RBMS3: variants seen among roughly 807,000 people sequenced by gnomAD.
RBMS3 encodes the protein RNA-binding motif, single-stranded-interacting protein 3.
Under a neutral mutation model 66.8 loss-of-function variants are expected in RBMS3, and 27 were observed. That is an observed-to-expected ratio of 0.40 (90% confidence interval 0.30 to 0.56). The LOEUF is 0.56. Among genes scored for constraint, RBMS3 ranks in the 20% least tolerant of loss-of-function variants. The probability of loss-of-function intolerance (pLI) is 0.40; values close to 1 mark genes in which losing one functional copy is unlikely to be tolerated. For synonymous variants in RBMS3, 188 were observed against 183.0 expected (o/e 1.03, Z -0.22); for missense variants, 513 against 549.5 (o/e 0.93, Z 0.66).
At chr3:29,603,799 T>C (rs146377868) in intron 4 of RBMS3, among the ~76,000 whole-genome samples, 19 of 152,018 alleles carry the variant, frequency 1.2e-4, no homozygotes, top group Admixed American at 3.3e-4. Context: ...TACCTAGAGG[T>C]GTACATTCAA....
In RBMS3 at chr3:29,648,263, A is replaced by ATTTTTTT. The variant is rs749839563; in HGVS notation, c.399+61074_399+61080dup. 2.6e-3 allele frequency among the ~76,000 whole-genome samples: 201 copies of ATTTTTTT among 77,600 alleles called. 5 individuals are homozygous for ATTTTTTT. Among genetic ancestry groups the ATTTTTTT allele is most frequent in the East Asian group, 4.1e-3 (10 of 2,440 alleles). The allele number at this position is 77,600 out of a possible 152,430, so 50.9% of individuals were successfully genotyped here. A position where few individuals can be genotyped will look rare whatever the true frequency, so the allele number is the denominator to read the frequency against. On this transcript the variant is annotated intron_variant, in intron 4 of 14. Coordinates refer to ENST00000383767, the MANE Select transcript of RBMS3 (RefSeq NM_001003793.3). ...AACATAGGGAAAATAGAAAATGTCTATTTTTTTTTTTTTTTTTTTTTTGCG... is the reference window on the plus strand; with the variant it reads ...AACATAGGGAAAATAGAAAATGTCTATTTTTTTTTTTTTTTTTTTTTTTTTTTTTGCG...
At chr3:29,555,214 A>G (rs1467786091) in intron 3 of RBMS3, among the ~76,000 whole-genome samples, 1 of 152,200 alleles carries the variant, frequency 6.6e-6, no homozygotes, top group Non-Finnish European at 1.5e-5. Flanking sequence ...TACTTCAGTC[A>G]TTGACCTTAA....
intron 6 of RBMS3, among the ~76,000 whole-genome samples, chr3:29,817,152 T>C (rs1040350759): frequency 7.9e-5 from 12 of 151,352 alleles, no homozygotes; most frequent in African/African-American, 2.4e-4. Context: ...TGTTATTCTT[T>C]CTAAAAATTA....
intron 1 of RBMS3, among the ~76,000 whole-genome samples, chr3:29,348,571 TA>T (rs201850631): frequency 0.19 from 27,154 of 143,366 alleles, 2,515 homozygotes; most frequent in Admixed American, 0.25. Flanking sequence ...TTCTCTCTGT[TA>T]AAAAAAAAAA....
chr3:29,353,807 A>T (rs1431070995), intron 1 of RBMS3, among the ~76,000 whole-genome samples: 1 of 152,110 alleles, frequency 6.6e-6, no homozygotes, highest in South Asian at 2.1e-4. Flanking sequence ...AAAAAGAGAG[A>T]TCAACACTTG....
chr3:29,523,262 C>T (rs1478826854), intron 3 of RBMS3, among the ~76,000 whole-genome samples: 5 of 152,136 alleles, frequency 3.3e-5, no homozygotes, highest in South Asian at 2.1e-4. Context: ...GTAGTGGGCA[C>T]GACGTAGCAG....
At chr3:29,454,674 G>A (rs2042122280) in intron 2 of RBMS3, among the ~76,000 whole-genome samples, 2 of 152,168 alleles carry the variant, frequency 1.3e-5, no homozygotes, top group South Asian at 2.1e-4. Context: ...TAGAATGAGA[G>A]TATAGTTTCA....
rs118000681 is a variant in RBMS3 at position 29,418,130 on chromosome 3, C to T, written c.76-16613C>T. On this transcript the variant is annotated intron_variant, in intron 1 of 14. Coordinates refer to ENST00000383767, the MANE Select transcript of RBMS3 (RefSeq NM_001003793.3). ...CTAAAACTAGCACATCAGCTACAAA[C>T]ATAACTTTCACTTTCTTCCCATTCA... 6.9e-4 allele frequency among the ~76,000 whole-genome samples: 105 copies of T among 152,248 alleles called. 1 individual carries two copies. In the East Asian group the frequency reaches 0.02, roughly 29 times the overall value.
At chr3:29,911,570 G>A (rs1037785076) in intron 10 of RBMS3, among the ~76,000 whole-genome samples, 4 of 151,766 alleles carry the variant, frequency 2.6e-5, no homozygotes, top group Non-Finnish European at 4.4e-5. Flanking sequence ...ATATTACTTG[G>A]GTATCATAAA....
chr3:29,649,801 A>G (rs2050077736), intron 4 of RBMS3, among the ~76,000 whole-genome samples: 1 of 152,222 alleles, frequency 6.6e-6, no homozygotes, highest in Non-Finnish European at 1.5e-5. Flanking sequence ...TTCTCCAAAG[A>G]TAAAATTTTA....
chr3:30,009,299 C>T lies in RBMS3; in HGVS notation c.*5437C>T, dbSNP rs761236351. The T allele has an allele frequency of 1.3e-5, 2 of 151,956 alleles. No homozygotes were observed. Among genetic ancestry groups the T allele is most frequent in the Non-Finnish European group, 2.9e-5 (2 of 67,948 alleles). The allele number at this position is 151,956 out of a possible 1,614,324, so 9.4% of individuals were successfully genotyped here. The stretch of plus-strand genomic sequence containing the variant: ...CTTGGGCTCTGTTTCCTTTTATTAG[C>T]ATGTCACCTGAGGGTGGAACAAACA... On this transcript the variant is annotated 3_prime_UTR_variant, in exon 15 of 15. Transcript: ENST00000383767.
chr3:29,671,338 A>T (rs1348022276), intron 4 of RBMS3, among the ~76,000 whole-genome samples: 1 of 152,234 alleles, frequency 6.6e-6, no homozygotes. Flanking sequence ...CCAGAGCAGA[A>T]AATCTGAAAA....
chr3:29,397,229 G>C (rs1001819298), intron 1 of RBMS3, among the ~76,000 whole-genome samples: 5 of 152,132 alleles, frequency 3.3e-5, no homozygotes, highest in African/African-American at 1.2e-4. Context: ...TGTGTTATAT[G>C]TAAAGTACCT....
intron 1 of RBMS3, among the ~76,000 whole-genome samples, chr3:29,384,741 G>A: frequency 6.6e-6 from 1 of 152,156 alleles, no homozygotes; most frequent in South Asian, 2.1e-4. Flanking sequence ...GAGTGGTAAA[G>A]CCAATAAGTG....
chr3:29,918,689 A>G (rs1440563770), intron 10 of RBMS3, among the ~76,000 whole-genome samples: 1 of 152,178 alleles, frequency 6.6e-6, no homozygotes, highest in Admixed American at 6.5e-5. Flanking sequence ...TTAGATAACT[A>G]TGAGAAAATT....
At chr3:29,657,460 G>A (rs1329883792) in intron 4 of RBMS3, among the ~76,000 whole-genome samples, 1 of 152,162 alleles carries the variant, frequency 6.6e-6, no homozygotes, top group African/African-American at 2.4e-5. Flanking sequence ...AGCATTGAAA[G>A]TGTTCAACTT....
intron 4 of RBMS3, among the ~76,000 whole-genome samples, chr3:29,640,467 A>C (rs1483404223): frequency 1.4e-5 from 2 of 148,052 alleles, no homozygotes; most frequent in Non-Finnish European, 3.0e-5. Flanking sequence ...GAAGTTTGAT[A>C]ATTTAAAATT....
At chr3:29,548,149 G>A (rs2149026912) in intron 3 of RBMS3, among the ~76,000 whole-genome samples, 1 of 152,134 alleles carries the variant, frequency 6.6e-6, no homozygotes, top group South Asian at 2.1e-4. Context: ...GTTAATGAAG[G>A]TGACCAGGCA....
At chr3:29,746,019 A>G (rs2054877676) in intron 5 of RBMS3, among the ~76,000 whole-genome samples, 1 of 152,010 alleles carries the variant, frequency 6.6e-6, no homozygotes, top group Non-Finnish European at 1.5e-5. Context: ...TTAAAATGTT[A>G]TTTATTTACC....
Sources: gnomAD v4.1 joint callset for allele counts (sites outside exome capture counted in the v4.1 genomes callset) on GRCh38, gnomAD v4.1.1 for gene constraint, MANE v1.5 for transcripts, NCBI Gene and HGNC (gene_info 2026-07-23, HGNC 2026-07-21) for gene names.